The following ANXA4 variants were observed in gnomAD, a reference collection of about 807,000 sequenced individuals.
The protein encoded by ANXA4 is annexin A4, also known as 35-beta calcimedin.
In ANXA4, 39 loss-of-function variants were observed where a neutral mutation model predicts 49.8. That is an observed-to-expected ratio of 0.78 (90% confidence interval 0.61 to 1.02). ANXA4 has a LOEUF of 1.02. ANXA4 is among the 50% of genes least tolerant of loss of function. The pLI is 0.00. For synonymous variants in ANXA4, 134 were observed against 152.5 expected, an observed-to-expected ratio of 0.88 and a Z score of 0.89; for missense variants, 360 against 410.1, an observed-to-expected ratio of 0.88 and a Z score of 1.05.
intron 1 of ANXA4, among the ~76,000 whole-genome samples, chr2:69,771,227 A>G (rs1671704825): frequency 6.6e-6 from 1 of 152,288 alleles, no homozygotes; most frequent in South Asian, 2.1e-4. Flanking sequence ...CTTGGCAACC[A>G]TGGAACAAGG....
intron 2 of ANXA4, among the ~76,000 whole-genome samples, chr2:69,785,135 C>A (rs1672361788): frequency 6.6e-6 from 1 of 152,142 alleles, no homozygotes; most frequent in Admixed American, 6.5e-5. Context: ...AGGGTGATGA[C>A]CAAGTGCCAA....
intron 2 of ANXA4, among the ~76,000 whole-genome samples, chr2:69,663,177 G>T (rs1559054730): frequency 6.7e-6 from 1 of 149,302 alleles, no homozygotes; most frequent in Non-Finnish European, 1.5e-5. Context: ...TGTATTTTTA[G>T]TAGAGACGGG....
At chr2:69,703,998 C>G (rs186192605) in intron 2 of ANXA4, among the ~76,000 whole-genome samples, 76 of 152,080 alleles carry the variant, frequency 5.0e-4, no homozygotes, top group African/African-American at 1.7e-3. Flanking sequence ...CTAACTGCCT[C>G]CCCTCCCCTA....
At chr2:69,763,360 CTG>C (rs1489445565) in intron 1 of ANXA4, among the ~76,000 whole-genome samples, 1 of 152,156 alleles carries the variant, frequency 6.6e-6, no homozygotes, top group Non-Finnish European at 1.5e-5. Flanking sequence ...CAGTTGAAAT[CTG>C]TGTAGGAAAC....
chr2:69,694,044 G>GT lies in ANXA4; in HGVS notation n.767-26729dup, dbSNP rs530707379. Among the ~76,000 whole-genome samples, 5 of 152,202 alleles carry GT rather than the reference G, an allele frequency of 3.3e-5. No individual in the cohort carries two copies. In the East Asian group the frequency reaches 7.7e-4, roughly 24 times the overall value. On this transcript the variant is annotated intron_variant and non_coding_transcript_variant, in intron 2 of 3. Coordinates refer to the ANXA4 transcript ENST00000418066. ...AAAAAGTTGGTCTCCCTATTCCAAC[G>GT]TATCTGATTATCATGGAAACACTGT...
At chr2:69,785,228 C>T (rs143019514) in intron 2 of ANXA4, among the ~76,000 whole-genome samples, 123 of 152,260 alleles carry the variant, frequency 8.1e-4, no homozygotes, top group Middle Eastern at 3.4e-3. Context: ...CTTGGATGGG[C>T]TTGATGTGGG....
exon 1 of ANXA4, chr2:69,644,864 G>C (rs1422353432): frequency 6.6e-6 from 1 of 152,220 alleles, no homozygotes; most frequent in African/African-American, 2.4e-5. Flanking sequence ...GGCGGGGATG[G>C]ACTGTGTGAT....
intron 2 of ANXA4, among the ~76,000 whole-genome samples, chr2:69,716,910 T>G (rs932568508): frequency 2.0e-5 from 3 of 152,244 alleles, no homozygotes; most frequent in Non-Finnish European, 1.5e-5. Flanking sequence ...TCAATTCAGC[T>G]GTTTGCTGTC....
chr2:69,730,867 A>T (rs1386508803), intron 3 of ANXA4, among the ~76,000 whole-genome samples: 1 of 152,174 alleles, frequency 6.6e-6, no homozygotes, highest in Non-Finnish European at 1.5e-5. Flanking sequence ...TAGGAACGGG[A>T]GGAGGCACTA....
intron 2 of ANXA4, among the ~76,000 whole-genome samples, chr2:69,688,569 G>A (rs1003194268): frequency 6.6e-6 from 1 of 152,130 alleles, no homozygotes; most frequent in Non-Finnish European, 1.5e-5. Context: ...ATATGGTTAC[G>A]CTGAAGTACA....
At chr2:69,786,429 G>A (rs1263306723) in intron 2 of ANXA4, among the ~76,000 whole-genome samples, 1 of 152,020 alleles carries the variant, frequency 6.6e-6, no homozygotes, top group Non-Finnish European at 1.5e-5. Flanking sequence ...CAGCAGCCCA[G>A]GGGGATCTTT....
Position 69,707,541 on chromosome 2 carries a change from C to T in ANXA4, n.767-13233C>T, listed in dbSNP as rs528001437. ...GTTTTATCTCATAACCGTGGAACCC[C>T]AAACACGACAGTTGTTCTTCGCATG... is the stretch of plus-strand genomic sequence containing the variant. On this transcript the variant is annotated intron_variant and non_coding_transcript_variant, in intron 2 of 3. Coordinates refer to the ANXA4 transcript ENST00000418066. Among the ~76,000 whole-genome samples, 3 of 152,284 alleles carry T rather than the reference C, an allele frequency of 2.0e-5. No individual in the cohort carries two copies. In the South Asian group the frequency reaches 6.2e-4, roughly 32 times the overall value.
intron 2 of ANXA4, among the ~76,000 whole-genome samples, chr2:69,669,652 C>A (rs922355435): frequency 1.3e-5 from 2 of 151,822 alleles, no homozygotes; most frequent in Non-Finnish European, 2.9e-5. Flanking sequence ...ACAATAAATA[C>A]CAAAACCACT....
At chr2:69,649,924 A>ATTTTTTTTTTTTTT (rs35212855) in intron 1 of ANXA4, among the ~76,000 whole-genome samples, 2 of 52,014 alleles carry the variant, frequency 3.8e-5, no homozygotes, top group Non-Finnish European at 3.1e-5. Flanking sequence ...GCCTGGCCTG[A>ATTTTTTTTTTTTTT]TTTTTTTTTT....
chr2:69,781,331 T>G (rs548749147), intron 1 of ANXA4, 189 bp from the exon 2 acceptor site: 99 of 596,596 alleles, frequency 1.7e-4, no homozygotes, highest in Admixed American at 1.2e-4. Context: ...GTGATAAAGT[T>G]GACTTTTTTT....
intron 9 of ANXA4, 23 bp downstream of exon 9, chr2:69,816,217 CA>C (rs1204037788): frequency 3.9e-5 from 62 of 1,601,070 alleles, no homozygotes; most frequent in Non-Finnish European, 5.1e-5. Flanking sequence ...CTTCATTTCC[CA>C]AAGAAAAGGA....
At chr2:69,717,069 G>C (rs185186006) in intron 2 of ANXA4, among the ~76,000 whole-genome samples, 62 of 152,292 alleles carry the variant, frequency 4.1e-4, no homozygotes, top group African/African-American at 1.5e-3. Flanking sequence ...AAGCAGCATC[G>C]TGTAGCAGAG....
At chr2:69,709,509 CTT>C (rs1168910978) in intron 2 of ANXA4, among the ~76,000 whole-genome samples, 1 of 152,238 alleles carries the variant, frequency 6.6e-6, no homozygotes, top group Non-Finnish European at 1.5e-5. Context: ...GACACGCTCT[CTT>C]CTAAGTATTC....
intron 3 of ANXA4, among the ~76,000 whole-genome samples, chr2:69,732,723 A>G (rs565754304): frequency 6.6e-6 from 1 of 152,116 alleles, no homozygotes; most frequent in Admixed American, 6.5e-5. Flanking sequence ...GCACCATTGC[A>G]CTCCAGCCTG....
Sources: allele counts gnomAD v4.1 joint callset (sites outside exome capture counted in the v4.1 genomes callset), GRCh38; gene constraint gnomAD v4.1.1; transcripts MANE v1.5; gene names NCBI Gene and HGNC (gene_info 2026-07-23, HGNC 2026-07-21).